The following CCDC171 variants were observed in gnomAD, a reference collection of about 807,000 sequenced individuals.
CCDC171 encodes coiled-coil domain containing 171, also known as coiled-coil domain-containing protein 171.
In CCDC171, 177 loss-of-function variants were observed where a neutral mutation model predicts 168.2. The observed-to-expected ratio is 1.05, with a 90% CI of 0.93 to 1.19. CCDC171 has a LOEUF of 1.19. Ranked by LOEUF, CCDC171 falls within the 50% of genes most tolerant of loss-of-function variation. The pLI, the probability that CCDC171 is intolerant of heterozygous loss-of-function variation, is 0.00. For missense variants in CCDC171, 1,991 were observed against 1,539.0 expected, an observed-to-expected ratio of 1.29 and a Z score of -4.91; for synonymous variants, 687 against 540.8, an observed-to-expected ratio of 1.27 and a Z score of -3.75.
chr9:15,624,765 G>A (rs1169474991), intron 7 of CCDC171, among the ~76,000 whole-genome samples: 7 of 152,032 alleles, frequency 4.6e-5, no homozygotes, highest in East Asian at 1.9e-4. Flanking sequence ...TAGTGCTGCA[G>A]TAAACATACG....
the CCDC171 span, among the ~76,000 whole-genome samples, chr9:16,085,367 C>G: frequency 6.6e-6 from 1 of 152,196 alleles, no homozygotes; most frequent in Non-Finnish European, 1.5e-5. Context: ...CTGCTGACCT[C>G]AGCTGCATGT....
intron 7 of CCDC171, among the ~76,000 whole-genome samples, chr9:15,639,582 A>G (rs2046440678): frequency 6.6e-6 from 1 of 152,098 alleles, no homozygotes; most frequent in African/African-American, 2.4e-5. Context: ...TTCTTGCTGA[A>G]TAAAAAAATT....
intron 8 of CCDC171, among the ~76,000 whole-genome samples, chr9:15,663,177 C>T (rs2048455546): frequency 1.3e-5 from 2 of 152,076 alleles, no homozygotes; most frequent in Non-Finnish European, 1.5e-5. Flanking sequence ...ATCTGGGATT[C>T]AGCCTGAGTT....
intron 24 of CCDC171, chr9:15,888,180 A>T (rs1819685170): frequency 6.6e-6 from 1 of 152,236 alleles, no homozygotes; most frequent in Admixed American, 6.5e-5. Flanking sequence ...AAATAAGAGA[A>T]GGTAACACAT....
intron 24 of CCDC171, among the ~76,000 whole-genome samples, chr9:15,914,985 A>G (rs1326863543): frequency 6.6e-6 from 1 of 152,008 alleles, no homozygotes; most frequent in Non-Finnish European, 1.5e-5. Flanking sequence ...CCCACTGTCT[A>G]ACCGGCCCCA....
At chr9:15,908,118 C>G (rs1048549485) in intron 24 of CCDC171, among the ~76,000 whole-genome samples, 1 of 151,350 alleles carries the variant, frequency 6.6e-6, no homozygotes, top group African/African-American at 2.4e-5. Context: ...GGATCTAGAA[C>G]TAGAAATACC....
chr9:15,717,321 A>G (rs558792827), intron 11 of CCDC171, among the ~76,000 whole-genome samples: 28 of 152,284 alleles, frequency 1.8e-4, no homozygotes, highest in African/African-American at 6.5e-4. Flanking sequence ...TGTCCATCCT[A>G]GCATTTGGAA....
At chr9:15,650,209 T>G (rs2047398805) in intron 7 of CCDC171, among the ~76,000 whole-genome samples, 1 of 151,916 alleles carries the variant, frequency 6.6e-6, no homozygotes, top group Non-Finnish European at 1.5e-5. Context: ...TGAGAACACT[T>G]GGACACAGGA....
rs112762366 is a variant in CCDC171 at position 15,618,631 on chromosome 9, A to G, written c.676-4636A>G. Among the ~76,000 whole-genome samples, 4 of 152,254 alleles carry G rather than the reference A, an allele frequency of 2.6e-5. 1 individual carries two copies. Among genetic ancestry groups the G allele is most frequent in the African/African-American group, 9.6e-5 (4 of 41,560 alleles). On this transcript the variant is annotated intron_variant, in intron 6 of 25. Transcript: ENST00000380701. ...CCGCCCAGTTTTGTGCTTGAAACACAGGGCCCTGGTGGCATAGGGTCACGA... is the reference window on the plus strand; with the variant it reads ...CCGCCCAGTTTTGTGCTTGAAACACGGGGCCCTGGTGGCATAGGGTCACGA...
At chr9:15,641,936 G>T (rs1232863584) in intron 7 of CCDC171, among the ~76,000 whole-genome samples, 1 of 152,140 alleles carries the variant, frequency 6.6e-6, no homozygotes, top group Non-Finnish European at 1.5e-5. Context: ...GGCCAAGGTG[G>T]GCGGATCACT....
intron 18 of CCDC171, among the ~76,000 whole-genome samples, chr9:15,762,781 G>A (rs887204001): frequency 2.0e-5 from 3 of 152,070 alleles, no homozygotes; most frequent in African/African-American, 4.8e-5. Flanking sequence ...CACCTGTTTT[G>A]GAGTCAGTCA....
intron 25 of CCDC171, among the ~76,000 whole-genome samples, chr9:15,962,865 T>G (rs189507999): frequency 6.6e-6 from 1 of 151,502 alleles, no homozygotes; most frequent in African/African-American, 2.4e-5. Flanking sequence ...GTATGTGTGT[T>G]TATGCTTATT....
chr9:15,691,810 G>T (rs2050819393), intron 10 of CCDC171, among the ~76,000 whole-genome samples: 1 of 151,910 alleles, frequency 6.6e-6, no homozygotes, highest in Non-Finnish European at 1.5e-5. Context: ...CTGAGTAACT[G>T]GGACCTACAG....
rs550085418 is a variant in CCDC171 at position 15,557,817 on chromosome 9, G to A, written c.-112+4515G>A. Among the ~76,000 whole-genome samples, 4 of 152,194 alleles carry A rather than the reference G, an allele frequency of 2.6e-5. No individual in the cohort carries two copies. In the South Asian group the frequency reaches 8.3e-4, roughly 32 times the overall value. On this transcript the variant is annotated intron_variant, in intron 1 of 25. Coordinates refer to ENST00000380701, the MANE Select transcript of CCDC171 (RefSeq NM_173550.4). ...GAGGGGGCATCCCTGTCTTGTGCCA[G>A]TTTTCAAAGGGAATGTTTCCAGTTT...
chr9:15,954,770 G>A (rs1351929212), intron 25 of CCDC171, among the ~76,000 whole-genome samples: 1 of 151,264 alleles, frequency 6.6e-6, no homozygotes, highest in Non-Finnish European at 1.5e-5. Flanking sequence ...TTTTGTTGTT[G>A]TTTGTTTCTT....
intron 3 of CCDC171, among the ~76,000 whole-genome samples, chr9:15,984,809 G>C (rs1379842128): frequency 6.6e-6 from 1 of 152,084 alleles, no homozygotes; most frequent in African/African-American, 2.4e-5. Flanking sequence ...TCTCACAACA[G>C]AGCAGAAATG....
At chr9:16,040,479 G>A (rs1362444639), upstream of CCDC171, among the ~76,000 whole-genome samples, 6 of 152,298 alleles carry the variant, frequency 3.9e-5, no homozygotes, top group South Asian at 2.1e-4. Context: ...AAAGGCAGGC[G>A]GCTGCGAAGC....
chr9:15,821,943 G>C (rs2059790847), intron 21 of CCDC171, among the ~76,000 whole-genome samples: 1 of 151,730 alleles, frequency 6.6e-6, no homozygotes, highest in Non-Finnish European at 1.5e-5. Flanking sequence ...ATACAACAAG[G>C]CTACAGTAAC....
chr9:15,787,916 A>G (rs1191827863), intron 21 of CCDC171, among the ~76,000 whole-genome samples: 1 of 152,230 alleles, frequency 6.6e-6, no homozygotes, highest in Non-Finnish European at 1.5e-5. Context: ...TTCATGTCCT[A>G]TTAATAGATA....
Sources: allele counts gnomAD v4.1 joint callset (sites outside exome capture counted in the v4.1 genomes callset), GRCh38; gene constraint gnomAD v4.1.1; transcripts MANE v1.5; gene names NCBI Gene and HGNC (gene_info 2026-07-23, HGNC 2026-07-21).